Variants in MED12L observed in about 807,000 individuals in gnomAD.
MED12L encodes the protein mediator of RNA polymerase II transcription subunit 12-like protein.
MED12L carries 60 observed loss-of-function variants against 281.3 expected under a neutral mutation model. The observed-to-expected ratio is 0.21, with a 90% CI of 0.17 to 0.26. The LOEUF is 0.26. Among genes scored for constraint, MED12L ranks in the 10% least tolerant of loss-of-function variants. MED12L has a pLI of 1.00. For synonymous variants in MED12L, 974 were observed against 987.2 expected (o/e 0.99, Z 0.25); for missense variants, 2,146 against 2,680.9 (o/e 0.80, Z 4.41).
chr3:151,374,513 A>G (rs934565570), intron 27 of MED12L, among the ~76,000 whole-genome samples: 63 of 152,148 alleles, frequency 4.1e-4, no homozygotes, highest in African/African-American at 1.3e-3. Flanking sequence ...GCGCCACTGC[A>G]CTCCAGCCCT....
chr3:151,199,100 A>T, intron 16 of MED12L: 3 of 1,614,042 alleles, frequency 1.9e-6, no homozygotes, highest in Non-Finnish European at 2.5e-6. Context: ...ATACATATTG[A>T]TATAGATGAG....
At chr3:151,303,839 A>G (rs1746279674) in intron 16 of MED12L, among the ~76,000 whole-genome samples, 1 of 152,202 alleles carries the variant, frequency 6.6e-6, no homozygotes. Flanking sequence ...AGACTTTTTA[A>G]TGGAGCAGTC....
At chr3:151,273,653 AGGT>A (rs1355774880) in intron 16 of MED12L, among the ~76,000 whole-genome samples, 1 of 152,100 alleles carries the variant, frequency 6.6e-6, no homozygotes, top group Non-Finnish European at 1.5e-5. Flanking sequence ...GACTTTATTA[AGGT>A]TGTATTAGAA....
chr3:151,420,455 A>G (rs1056655858), intron 43 of MED12L, among the ~76,000 whole-genome samples: 3 of 152,002 alleles, frequency 2.0e-5, no homozygotes, highest in African/African-American at 7.3e-5. Flanking sequence ...CAGGAAGCAA[A>G]AATTTTGCTA....
intron 31 of MED12L, among the ~76,000 whole-genome samples, chr3:151,379,855 C>T (rs1178721159): frequency 1.3e-5 from 2 of 152,092 alleles, no homozygotes; most frequent in South Asian, 2.1e-4. Context: ...CCTCACTGCC[C>T]GGCATGCTCA....
intron 16 of MED12L, among the ~76,000 whole-genome samples, chr3:151,270,713 A>G (rs1740784710): frequency 6.6e-6 from 1 of 152,194 alleles, no homozygotes; most frequent in Non-Finnish European, 1.5e-5. Flanking sequence ...TATTTTGACA[A>G]CATGGCTTCT....
intron 2 of MED12L, 48 bp downstream of exon 2, chr3:151,087,073 C>G (rs1290254855): frequency 6.7e-7 from 1 of 1,481,642 alleles, no homozygotes; most frequent in African/African-American, 1.4e-5. Context: ...CGCTCTGCAG[C>G]ACTGACCCGG....
chr3:151,389,905 A>G, intron 37 of MED12L, 74 bp from the exon 38 acceptor site: 1 of 1,469,942 alleles, frequency 6.8e-7, no homozygotes, highest in Admixed American at 1.7e-5. Context: ...CAGATAGCTT[A>G]CTGAAGTTAT....
chr3:151,165,709 T>C (rs1232058566), intron 10 of MED12L, 137 bp from the exon 11 acceptor site: 1 of 1,035,380 alleles, frequency 9.7e-7, no homozygotes, highest in African/African-American at 1.6e-5. Flanking sequence ...GTTTTGTTGA[T>C]GATTGTTTGA....
In MED12L at chr3:151,337,980, A is replaced by G. The variant is rs774092350; in HGVS notation, c.2251-12079A>G. On this transcript the variant is annotated intron_variant, in intron 16 of 44. Transcript: ENST00000687756. Reference sequence around the variant, plus strand: ...GATGAACGGATCCAGGCATGCATTTAAGGAAGTTAACCACAGAGTGCTCTC... The same window carrying G: ...GATGAACGGATCCAGGCATGCATTTGAGGAAGTTAACCACAGAGTGCTCTC... 13 of 1,614,124 alleles carry G rather than the reference A, an allele frequency of 8.1e-6. No individual in the cohort carries two copies. Among genetic ancestry groups the G allele is most frequent in the Non-Finnish European group, 9.3e-6 (11 of 1,180,000 alleles).
chr3:151,126,048 C>CT (rs34482366), intron 4 of MED12L, among the ~76,000 whole-genome samples: 3,940 of 130,752 alleles, frequency 0.03, 95 homozygotes, highest in African/African-American at 0.052. Context: ...ACTGCATCCT[C>CT]TTTTTTTTTT....
intron 16 of MED12L, among the ~76,000 whole-genome samples, chr3:151,304,943 C>T (rs1746444880): frequency 6.6e-6 from 1 of 152,094 alleles, no homozygotes; most frequent in Non-Finnish European, 1.5e-5. Context: ...ATCCTTGCAC[C>T]TTGTTTATGC....
chr3:151,198,504 T>G, intron 16 of MED12L: 1 of 1,613,758 alleles, frequency 6.2e-7, no homozygotes, highest in Non-Finnish European at 8.5e-7. Context: ...TCAGTGACCT[T>G]TGAGCGGAAT....
chr3:151,408,792 A>G lies in MED12L; in HGVS notation c.5821-451A>G, dbSNP rs189051817. On this transcript the variant is annotated intron_variant, in intron 39 of 44. Transcript: ENST00000687756. The stretch of plus-strand genomic sequence containing the variant: ...CCTTGAATATCTGGCTAAATAGGCA[A>G]TTAGTAGGTCACTGTGAAGAAGCTT... Among the ~76,000 whole-genome samples, 198 of 152,372 alleles carry G rather than the reference A, an allele frequency of 1.3e-3. 1 individual carries two copies. Among genetic ancestry groups the G allele is most frequent in the African/African-American group, 4.5e-3 (187 of 41,588 alleles).
intron 16 of MED12L, among the ~76,000 whole-genome samples, chr3:151,283,489 G>A (rs1743083175): frequency 6.6e-6 from 1 of 152,218 alleles, no homozygotes; most frequent in Admixed American, 6.5e-5. Flanking sequence ...TCTCACAAAT[G>A]TGTCATCTCT....
chr3:151,349,920 T>C lies in MED12L; in HGVS notation c.2251-139T>C, dbSNP rs1249059417. 5.3e-6 allele frequency: 3 copies of C among 565,290 alleles called. No homozygotes were observed. The Admixed American group carries it at 9.0e-5, about 17-fold the overall frequency. The allele number at this position is 565,290 out of a possible 1,614,324, so 35.0% of individuals were successfully genotyped here. A position where few individuals can be genotyped will look rare whatever the true frequency, so the allele number is the denominator to read the frequency against. On this transcript the variant is annotated intron_variant, in intron 16 of 44. Coordinates refer to ENST00000687756, the MANE Select transcript of MED12L (RefSeq NM_001393769.1). ...AAAACAAGGGTGTTGCCAGTGGAGG[T>C]TGAGGTGAATTGAAGGGAGGGCGGG...
At chr3:151,349,451 G>A (rs191006952) in intron 16 of MED12L, among the ~76,000 whole-genome samples, 1 of 152,226 alleles carries the variant, frequency 6.6e-6, no homozygotes, top group Admixed American at 6.5e-5. Flanking sequence ...GAAATAAATG[G>A]AATATATATA....
chr3:151,348,211 G>T (rs879151022), intron 16 of MED12L, among the ~76,000 whole-genome samples: 4 of 151,892 alleles, frequency 2.6e-5, no homozygotes, highest in Admixed American at 6.6e-5. Flanking sequence ...TTTACATTAG[G>T]ACCATCTGAT....
chr3:151,314,231 T>C (rs1560017289), intron 16 of MED12L, among the ~76,000 whole-genome samples: 1 of 152,238 alleles, frequency 6.6e-6, no homozygotes, highest in South Asian at 2.1e-4. Flanking sequence ...TGTAATTTTT[T>C]AAATGTTTGG....
Sources: allele counts gnomAD v4.1 joint callset (sites outside exome capture counted in the v4.1 genomes callset), GRCh38; gene constraint gnomAD v4.1.1; transcripts MANE v1.5; gene names NCBI Gene and HGNC (gene_info 2026-07-23, HGNC 2026-07-21).